Variants in EPB41L3 observed in about 807,000 individuals in gnomAD.
The protein encoded by EPB41L3 is erythrocyte membrane protein band 4.1 like 3, also known as band 4.1-like protein 3.
EPB41L3 carries 57 observed loss-of-function variants against 127.1 expected under a neutral mutation model. That is an observed-to-expected ratio of 0.45 (90% CI 0.36 to 0.56). EPB41L3 has a LOEUF of 0.56. Among genes scored for constraint, EPB41L3 ranks in the 20% least tolerant of loss-of-function variants. The probability of loss-of-function intolerance (pLI) is 0.00; values close to 1 mark genes in which losing one functional copy is unlikely to be tolerated. For synonymous variants in EPB41L3, 572 were observed against 549.5 expected (o/e 1.04, Z -0.57); for missense variants, 1,273 against 1,372.2 (o/e 0.93, Z 1.14).
At chr18:5,452,966 T>TG (rs2082497041) in intron 3 of EPB41L3, among the ~76,000 whole-genome samples, 2 of 152,160 alleles carry the variant, frequency 1.3e-5, no homozygotes, top group African/African-American at 4.8e-5. Flanking sequence ...AGCAGGTGAC[T>TG]GGGGTGACTG....
intron 6 of EPB41L3, among the ~76,000 whole-genome samples, chr18:5,436,392 A>G (rs2079798454): frequency 6.7e-6 from 1 of 150,002 alleles, no homozygotes; most frequent in African/African-American, 2.4e-5. Flanking sequence ...ACCATGCACT[A>G]CATTTTCTTT....
In EPB41L3 at chr18:5,424,246, A is replaced by G. The variant is rs2077861534; in HGVS notation, c.1163+16T>C. The G allele has an allele frequency of 1.3e-6, 2 of 1,531,726 alleles. No homozygotes were observed. The highest frequency in any genetic ancestry group is 2.8e-5 in the African/African-American group (2 of 71,332). The allele number at this position is 1,531,726 out of a possible 1,614,324, so 94.9% of individuals were successfully genotyped here. A position where few individuals can be genotyped will look rare whatever the true frequency, so the allele number is the denominator to read the frequency against. ...TAATTATTCCTTAGGGAAAAAACAA[A>G]ATAATCTCTTCCTACCTGAAAAATG... On this transcript the variant is annotated intron_variant, in intron 10 of 22. Transcript: ENST00000341928.
At chr18:5,459,266 C>T (rs539594526) in intron 3 of EPB41L3, among the ~76,000 whole-genome samples, 5 of 152,156 alleles carry the variant, frequency 3.3e-5, no homozygotes, top group South Asian at 2.1e-4. Flanking sequence ...GACCCCATTT[C>T]GAAAAGAAAC....
intron 13 of EPB41L3, 44 bp downstream of exon 13, chr18:5,415,774 C>T (rs1598644234): frequency 1.3e-6 from 2 of 1,570,390 alleles, no homozygotes; most frequent in African/African-American, 2.7e-5. Context: ...CGGACTCAAG[C>T]ACGGAACACG....
chr18:5,536,169 A>G (rs1297409375), intron 1 of EPB41L3, among the ~76,000 whole-genome samples: 1 of 152,084 alleles, frequency 6.6e-6, no homozygotes, highest in Non-Finnish European at 1.5e-5. Flanking sequence ...TATGGTGAAA[A>G]TTTGCTTGTT....
chr18:5,565,275 G>C (rs2094183502), intron 3 of EPB41L3, among the ~76,000 whole-genome samples: 2 of 151,846 alleles, frequency 1.3e-5, no homozygotes, highest in Admixed American at 1.3e-4. Flanking sequence ...AGCCGGGCAT[G>C]GCAGTGTGTG....
chr18:5,535,945 G>A (rs781426007), intron 1 of EPB41L3, among the ~76,000 whole-genome samples: 23 of 152,106 alleles, frequency 1.5e-4, no homozygotes, highest in Non-Finnish European at 1.3e-4. Flanking sequence ...CAGTGACCCC[G>A]TACACCTACT....
upstream of EPB41L3, among the ~76,000 whole-genome samples, chr18:5,548,165 C>T (rs902622345): frequency 2.2e-4 from 34 of 152,174 alleles, no homozygotes; most frequent in African/African-American, 7.7e-4. Context: ...GATATAAAGT[C>T]TTCAGCCACA....
At chr18:5,428,577 T>G in intron 8 of EPB41L3, 112 bp from the exon 9 acceptor site, 1 of 1,174,420 alleles carries the variant, frequency 8.5e-7, no homozygotes, top group Non-Finnish European at 1.2e-6. Context: ...GGTTTACTTA[T>G]GCAAAATGAT....
chr18:5,563,093 G>C (rs2094154393), intron 3 of EPB41L3, among the ~76,000 whole-genome samples: 1 of 152,242 alleles, frequency 6.6e-6, no homozygotes, highest in South Asian at 2.1e-4. Context: ...CGGATGGGCA[G>C]AGGATGAGGG....
chr18:5,504,479 G>C (rs992068753), intron 1 of EPB41L3, among the ~76,000 whole-genome samples: 3 of 152,164 alleles, frequency 2.0e-5, no homozygotes, highest in Non-Finnish European at 2.9e-5. Context: ...GGGACCGGCA[G>C]TGAGTCCAAA....
intron 3 of EPB41L3, among the ~76,000 whole-genome samples, chr18:5,580,111 C>T (rs536274886): frequency 3.9e-5 from 6 of 152,270 alleles, no homozygotes; most frequent in African/African-American, 1.4e-4. Context: ...TGCCCATGCT[C>T]TAAACGTCTA....
chr18:5,572,474 A>G (rs1433202150), intron 3 of EPB41L3, among the ~76,000 whole-genome samples: 3 of 152,224 alleles, frequency 2.0e-5, no homozygotes, highest in Non-Finnish European at 2.9e-5. Context: ...TGGGATGTGA[A>G]TTTAAACAAC....
chr18:5,523,733 C>T (rs557254108), intron 1 of EPB41L3, among the ~76,000 whole-genome samples: 2 of 151,876 alleles, frequency 1.3e-5, no homozygotes, highest in African/African-American at 4.8e-5. Context: ...TGTGGTGAAC[C>T]GAGATTGCAC....
chr18:5,394,815 AGGGC>A (rs1598396295), intron 21 of EPB41L3, 22 bp from the exon 22 acceptor site: 1 of 1,611,426 alleles, frequency 6.2e-7, no homozygotes, highest in Non-Finnish European at 8.5e-7. Flanking sequence ...AAATCACAGA[AGGGC>A]AGAAACAAAA....
At chr18:5,416,423 G>A (rs775518887) in intron 12 of EPB41L3, 45 bp from the exon 13 acceptor site, 8 of 1,534,180 alleles carry the variant, frequency 5.2e-6, no homozygotes, top group Non-Finnish European at 7.0e-6. Flanking sequence ...GCAAACAGAG[G>A]TGCAAAAGGA....
intron 3 of EPB41L3, among the ~76,000 whole-genome samples, chr18:5,445,542 G>A (rs1027487868): frequency 1.3e-5 from 2 of 152,202 alleles, no homozygotes; most frequent in Non-Finnish European, 2.9e-5. Flanking sequence ...GAAGCAACTG[G>A]GGAAAATAAT....
At chr18:5,519,606 G>A (rs970661415) in intron 1 of EPB41L3, among the ~76,000 whole-genome samples, 2 of 152,146 alleles carry the variant, frequency 1.3e-5, no homozygotes, top group African/African-American at 4.8e-5. Context: ...TCCCTAAGGG[G>A]CACTGCAGAG....
chr18:5,562,792 A>T (rs2149215943), intron 3 of EPB41L3, among the ~76,000 whole-genome samples: 1 of 152,288 alleles, frequency 6.6e-6, no homozygotes, highest in Admixed American at 6.5e-5. Flanking sequence ...ACTGCTGCAG[A>T]TCCCATCAGA....
Sources: allele counts gnomAD v4.1 joint callset (sites outside exome capture counted in the v4.1 genomes callset), GRCh38; gene constraint gnomAD v4.1.1; transcripts MANE v1.5; gene names NCBI Gene and HGNC (gene_info 2026-07-23, HGNC 2026-07-21).